Variants in ABCA12 observed in about 807,000 individuals in gnomAD.
ABCA12 encodes glucosylceramide transporter ABCA12.
ABCA12 carries 156 observed loss-of-function variants against 293.5 expected under a neutral mutation model. That is an observed-to-expected ratio of 0.53 (90% confidence interval 0.47 to 0.61). The LOEUF is 0.61. Among genes scored for constraint, ABCA12 ranks in the 20% least tolerant of loss-of-function variants. ABCA12 has a pLI of 0.00. For missense variants in ABCA12, 2,797 were observed against 3,090.2 expected (o/e 0.91, Z 2.25); for synonymous variants, 1,063 against 1,108.0 (o/e 0.96, Z 0.81).
At chr2:215,069,349 G>A (rs1355117802) in intron 2 of ABCA12, among the ~76,000 whole-genome samples, 1 of 151,950 alleles carries the variant, frequency 6.6e-6, no homozygotes, top group African/African-American at 2.4e-5. Context: ...ACCATATCAA[G>A]AGTACAGAAT....
intron 7 of ABCA12, among the ~76,000 whole-genome samples, chr2:215,045,343 G>T (rs1270474440): frequency 2.0e-5 from 3 of 152,124 alleles, no homozygotes; most frequent in Non-Finnish European, 2.9e-5. Flanking sequence ...GGCTTGGAAA[G>T]GTCATTTCTA....
In ABCA12 at chr2:215,081,495, A is replaced by ATAG. The variant is rs1553541624; in HGVS notation, c.164-17277_164-17276insCTA. On this transcript the variant is annotated intron_variant, in intron 2 of 52. Coordinates refer to ENST00000272895, the MANE Select transcript of ABCA12 (RefSeq NM_173076.3). ...CTCTGTCTCAAAAAAAAAAAAAAGA[A>ATAG]AAAGAAAAAAGAAAAAGAAAAAAGA... Among the ~76,000 whole-genome samples, 63 of 127,468 alleles carry ATAG rather than the reference A, an allele frequency of 4.9e-4. 5 individuals carry two copies. The East Asian group carries it at 0.012, about 24-fold the overall frequency. The allele number at this position is 127,468 out of a possible 152,430, so 83.6% of individuals were successfully genotyped here.
At chr2:214,979,068 ACT>A (rs746893840) in intron 31 of ABCA12, 28 bp from the exon 32 acceptor site, 21 of 1,591,748 alleles carry the variant, frequency 1.3e-5, no homozygotes, top group Non-Finnish European at 7.8e-6. Context: ...GAATTAAAAC[ACT>A]CTCCTCTCTT....
At chr2:215,091,370 C>T (rs887659021) in intron 2 of ABCA12, among the ~76,000 whole-genome samples, 1 of 152,152 alleles carries the variant, frequency 6.6e-6, no homozygotes, top group African/African-American at 2.4e-5. Flanking sequence ...CCCCAACCTG[C>T]CCAATAATTT....
intron 3 of ABCA12, among the ~76,000 whole-genome samples, chr2:215,062,961 C>T (rs1374754139): frequency 6.6e-6 from 1 of 151,916 alleles, no homozygotes. Flanking sequence ...CTCTGTATCC[C>T]AGTGCCTAGA....
intron 41 of ABCA12, 60 bp from the exon 42 acceptor site, chr2:214,956,838 ATC>A: frequency 8.6e-6 from 10 of 1,156,564 alleles, no homozygotes; most frequent in African/African-American, 1.6e-5. Context: ...AAAAAAAAAA[ATC>A]AATAACCCAT....
At chr2:215,050,854 A>G in intron 5 of ABCA12, 1 of 982,772 alleles carries the variant, frequency 1.0e-6, no homozygotes, top group Non-Finnish European at 1.2e-6. Flanking sequence ...AGAGAAAGAA[A>G]GAGGAATCAG....
At chr2:215,032,135 T>C (rs1163011709) in intron 8 of ABCA12, 5 of 1,372,324 alleles carry the variant, frequency 3.6e-6, no homozygotes, top group Non-Finnish European at 4.7e-6. Flanking sequence ...TATGCATTTC[T>C]AACAAGTTCT....
Position 215,017,996 on chromosome 2 carries a change from A to G in ABCA12, c.1782+12T>C. The G allele has an allele frequency of 2.5e-6, 4 of 1,614,134 alleles. No homozygotes were observed. The highest frequency in any genetic ancestry group is 2.5e-6 in the Non-Finnish European group (3 of 1,180,024). On this transcript the variant is annotated intron_variant, in intron 14 of 52. Coordinates refer to ENST00000272895, the MANE Select transcript of ABCA12 (RefSeq NM_173076.3). The stretch of plus-strand genomic sequence containing the variant: ...AAGAACTGCATGTAAGTACAAACAC[A>G]TGACACCCCACCTCAGCTCTATTAT...
chr2:215,051,609 A>AGTGTGTGTGTGTGTGTGT lies in ABCA12; in HGVS notation c.507+860_507+877dup, dbSNP rs3050094. ...ATATAGATATATTATTAAAAACGCT[A>AGTGTGTGTGTGTGTGTGT]GTGTGTGTGTGTGTGTGTGTGTGTG... On this transcript the variant is annotated intron_variant, in intron 5 of 52. Transcript: ENST00000272895. Among the ~76,000 whole-genome samples, 596 of 121,410 alleles carry AGTGTGTGTGTGTGTGTGT rather than the reference A, an allele frequency of 4.9e-3. 6 individuals are homozygous for AGTGTGTGTGTGTGTGTGT. The highest frequency in any genetic ancestry group is 0.011 in the East Asian group (43 of 3,906). 79.6% of individuals were successfully genotyped at this position (121,410 alleles called of 152,430 possible).
intron 1 of ABCA12, among the ~76,000 whole-genome samples, chr2:215,134,617 A>C (rs1203239507): frequency 1.4e-5 from 1 of 72,384 alleles, no homozygotes; most frequent in African/African-American, 1.3e-4. Flanking sequence ...ATATATATAT[A>C]GAGAGAGAGA....
intron 10 of ABCA12, 38 bp from the exon 11 acceptor site, chr2:215,025,817 G>T: frequency 6.9e-7 from 1 of 1,459,616 alleles, no homozygotes; most frequent in Non-Finnish European, 9.6e-7. Context: ...TATGTGAATT[G>T]CAAGGTCATT....
At chr2:215,118,102 CA>C (rs1702721880) in intron 1 of ABCA12, among the ~76,000 whole-genome samples, 1 of 152,130 alleles carries the variant, frequency 6.6e-6, no homozygotes, top group East Asian at 1.9e-4. Context: ...CTGGTTATGT[CA>C]AAAATAAATG....
intron 1 of ABCA12, among the ~76,000 whole-genome samples, chr2:215,130,747 G>A (rs1703035554): frequency 1.3e-5 from 2 of 152,062 alleles, no homozygotes; most frequent in Non-Finnish European, 2.9e-5. Flanking sequence ...TCTCTTGCCT[G>A]ATAGCTCTAG....
At chr2:214,959,951 A>G (rs1178335095) in intron 39 of ABCA12, among the ~76,000 whole-genome samples, 1 of 152,066 alleles carries the variant, frequency 6.6e-6, no homozygotes, top group Non-Finnish European at 1.5e-5. Context: ...AAAGCTCCTA[A>G]ATACTTGTTC....
At chr2:214,939,305 C>T (rs952464230) in intron 50 of ABCA12, among the ~76,000 whole-genome samples, 2 of 152,058 alleles carry the variant, frequency 1.3e-5, no homozygotes, top group Non-Finnish European at 1.5e-5. Flanking sequence ...GGCCTCTGTT[C>T]TGTTCCATTG....
In ABCA12 at chr2:215,134,998, T is replaced by C. The variant is rs539654180; in HGVS notation, c.69+3142A>G. Among the ~76,000 whole-genome samples the C allele has an allele frequency of 1.6e-3, 250 of 152,268 alleles. 2 individuals are homozygous for C. Among genetic ancestry groups the C allele is most frequent in the Non-Finnish European group, 2.6e-3 (177 of 68,012 alleles). On this transcript the variant is annotated intron_variant, in intron 1 of 52. Transcript: ENST00000272895. The stretch of plus-strand genomic sequence containing the variant: ...TTCTTTTTTTGAGACAGAGTTTCAC[T>C]GTTACCCACGCTGGAGTGCAGTGGC...
intron 2 of ABCA12, among the ~76,000 whole-genome samples, chr2:215,065,137 A>G (rs1218640086): frequency 1.3e-5 from 2 of 151,884 alleles, no homozygotes; most frequent in Non-Finnish European, 2.9e-5. Context: ...AGTCATGACA[A>G]TAGGCAAGCT....
intron 3 of ABCA12, among the ~76,000 whole-genome samples, chr2:215,062,408 G>A (rs539753698): frequency 6.6e-6 from 1 of 152,108 alleles, no homozygotes; most frequent in Non-Finnish European, 1.5e-5. Context: ...GGTCATGCTT[G>A]TATATGCCTA....
Sources: allele counts gnomAD v4.1 joint callset (sites outside exome capture counted in the v4.1 genomes callset), GRCh38; gene constraint gnomAD v4.1.1; transcripts MANE v1.5; gene names NCBI Gene and HGNC (gene_info 2026-07-23, HGNC 2026-07-21).